The following TRAPPC10 variants were observed in gnomAD, a reference collection of about 807,000 sequenced individuals.
The protein encoded by TRAPPC10 is TRAPP 130 kDa subunit.
Under a neutral mutation model 125.5 loss-of-function variants are expected in TRAPPC10, and 23 were observed. The ratio of observed to expected loss-of-function variants is 0.18; its 90% CI spans 0.13 to 0.26. The LOEUF (loss-of-function observed/expected upper bound fraction) is 0.26, where lower values mean the gene tolerates loss of function less well. Ranked by LOEUF, TRAPPC10 falls within the 10% of genes least tolerant of loss-of-function variation. The probability of loss-of-function intolerance (pLI) is 1.00; values close to 1 mark genes in which losing one functional copy is unlikely to be tolerated. For missense variants in TRAPPC10, 1,123 were observed against 1,308.4 expected (o/e 0.86, Z 2.19); for synonymous variants, 509 against 518.0 (o/e 0.98, Z 0.24).
At chr21:44,070,194 G>T (rs142009583) in intron 7 of TRAPPC10, among the ~76,000 whole-genome samples, 1 of 152,306 alleles carries the variant, frequency 6.6e-6, no homozygotes, top group Non-Finnish European at 1.5e-5. Flanking sequence ...CACTCAAGTG[G>T]TAGGGGTATC....
At position 44,083,021 on chromosome 21, in the gene TRAPPC10, G is replaced by A. The variant is rs2037868727; in HGVS notation, c.1957G>A (p.Gly653Arg). Reference sequence around the variant, plus strand: ...GCTTACCAAGCACAAGACGTCCAATGGGATCATTAACTTTCCACCCGAGAC... The same window carrying A: ...GCTTACCAAGCACAAGACGTCCAATAGGATCATTAACTTTCCACCCGAGAC... Reference protein sequence around the residue: ...EWLTKHKTSNGIINFPPETAP... With the variant: ...EWLTKHKTSNRIINFPPETAP... Residue 653 changes from glycine (G) to arginine (R), a missense_variant, in exon 14 of 23, where the codon GGG (glycine) becomes AGG (arginine). This residue lies in a region of TRAPPC10 where 840 missense variants were observed against 902.0 expected (regional missense o/e 0.93). Transcript: ENST00000291574. 2 of 1,614,034 alleles carry A rather than the reference G, an allele frequency of 1.2e-6. No individual in the cohort carries two copies. The highest frequency in any genetic ancestry group is 4.5e-5 in the East Asian group (2 of 44,874).
intron 2 of TRAPPC10, among the ~76,000 whole-genome samples, chr21:44,032,383 T>TC (rs1387791737): frequency 2.2e-4 from 32 of 143,416 alleles, no homozygotes; most frequent in Middle Eastern, 3.6e-3. Flanking sequence ...GGTTTTCTTT[T>TC]TTTTTTTTTT....
At position 44,012,335 on chromosome 21, in the gene TRAPPC10, C is replaced by CCGGCAGCAGCGGG. The variant is rs902459677; in HGVS notation, c.-151_-139dup. 6.8e-5 allele frequency: 14 copies of CCGGCAGCAGCGGG among 204,716 alleles called. No individual in the cohort carries two copies. The highest frequency in any genetic ancestry group is 1.0e-4 in the Non-Finnish European group (12 of 116,618). 12.7% of individuals were successfully genotyped at this position (204,716 alleles called of 1,614,324 possible). A position where few individuals can be genotyped will look rare whatever the true frequency, so the allele number is the denominator to read the frequency against. ...GCGCCGAGGCCGGAAGTGGCTGAGG[C>CCGGCAGCAGCGGG]CGGCAGCAGCGGGCGGCAGCTGCGG... On this transcript the variant is annotated 5_prime_UTR_variant, in exon 1 of 23. Coordinates refer to ENST00000291574, the MANE Select transcript of TRAPPC10 (RefSeq NM_003274.5).
intron 19 of TRAPPC10, 129 bp downstream of exon 19, chr21:44,092,178 T>G: frequency 5.8e-6 from 7 of 1,210,052 alleles, no homozygotes; most frequent in Non-Finnish European, 7.9e-6. Flanking sequence ...AAGGCTCCTG[T>G]GCAGCTCCTC....
intron 12 of TRAPPC10, 122 bp from the exon 13 acceptor site, chr21:44,079,893 C>CT (rs927430790): frequency 2.8e-6 from 3 of 1,068,868 alleles, no homozygotes; most frequent in Non-Finnish European, 1.3e-6. Context: ...GCCCTAGTAA[C>CT]TTAAAAAAAA....
intron 1 of TRAPPC10, among the ~76,000 whole-genome samples, chr21:44,029,335 C>T (rs957606373): frequency 1.3e-5 from 2 of 152,170 alleles, no homozygotes; most frequent in African/African-American, 4.8e-5. Flanking sequence ...ACCTTGTGAT[C>T]CACCCACCTC....
intron 3 of TRAPPC10, among the ~76,000 whole-genome samples, chr21:44,047,532 A>ATATG (rs1491372579): frequency 7.0e-6 from 1 of 142,826 alleles, no homozygotes. Context: ...CTGGGGGAGT[A>ATATG]TGTGTGTGTG....
Position 44,086,896 on chromosome 21 carries a change from T to A in TRAPPC10, c.2475T>A (p.Asn825Lys), listed in dbSNP as rs2038172748. ...ATGGAGACAGCCTGCAGCTTAGCAA[T>A]GCCGAAGCCATGCTCATCCTGTGCC... is the stretch of plus-strand genomic sequence containing the variant. ...IKNGDSLQLS[N>K]AEAMLILCQA... The change falls in exon 16 of 23, where the codon AAT becomes AAA. Residue 825 changes from asparagine (N) to lysine (K), a missense_variant. Physicochemically the swap from Asn to Lys is moderately conservative, Grantham distance 94 (BLOSUM62 0). Around this residue, in one of 4 missense-constraint regions of TRAPPC10, gnomAD observed 840 missense variants for 902.0 expected, o/e 0.93. Coordinates refer to ENST00000291574, the MANE Select transcript of TRAPPC10 (RefSeq NM_003274.5). The A allele has an allele frequency of 6.2e-7, 1 of 1,614,074 alleles. No individual in the cohort carries two copies. Among genetic ancestry groups the A allele is most frequent in the South Asian group, 1.1e-5 (1 of 91,090 alleles).
chr21:44,049,637 G>A (rs2035101871), intron 3 of TRAPPC10, among the ~76,000 whole-genome samples: 2 of 152,254 alleles, frequency 1.3e-5, no homozygotes, highest in South Asian at 4.2e-4. Context: ...CTCACTTGGG[G>A]CCTCACATCT....
chr21:44,029,517 ATGG>A (rs536184211), intron 1 of TRAPPC10, among the ~76,000 whole-genome samples: 22 of 152,346 alleles, frequency 1.4e-4, no homozygotes, highest in Non-Finnish European at 3.1e-4. Flanking sequence ...TGCTGAGAAA[ATGG>A]TGGTGATTTT....
chr21:44,060,662 G>A (rs1405574887), intron 6 of TRAPPC10, among the ~76,000 whole-genome samples: 2 of 152,014 alleles, frequency 1.3e-5, no homozygotes, highest in Non-Finnish European at 2.9e-5. Flanking sequence ...GGGCAGTGGT[G>A]TGATCTTGGC....
intron 1 of TRAPPC10, among the ~76,000 whole-genome samples, chr21:44,013,116 G>A (rs1269034069): frequency 6.6e-6 from 1 of 150,614 alleles, no homozygotes; most frequent in African/African-American, 2.5e-5. Context: ...CCATTTTACG[G>A]ATGAGAAAGC....
chr21:44,057,989 C>CT (rs2035737486), intron 5 of TRAPPC10, among the ~76,000 whole-genome samples: 1 of 152,236 alleles, frequency 6.6e-6, no homozygotes, highest in Non-Finnish European at 1.5e-5. Context: ...GTTGCCCTCT[C>CT]TTTTCATTTT....
rs374390530 is a variant in TRAPPC10, at chr21:44,084,176, G to C, written c.2293G>C (p.Val765Leu). The change falls in exon 15 of 23, where the codon GTG (valine) becomes CTG (leucine). Residue 765 changes from valine to leucine, a missense_variant. Physicochemically the swap from Val to Leu is conservative, Grantham distance 32 (BLOSUM62 1). This residue lies in a region of TRAPPC10 where 840 missense variants were observed against 902.0 expected (regional missense o/e 0.93). Coordinates refer to ENST00000291574, the MANE Select transcript of TRAPPC10 (RefSeq NM_003274.5). The part of the protein sequence containing the change: ...LRQLCASVGS[V>L]WFVLPHIYPI... ...GCAGCTGTGCGCCTCGGTGGGCTCC[G>C]TGTGGTTCGTCCTCCCTCACATCTA... The C allele has an allele frequency of 6.2e-7, 1 of 1,614,218 alleles. No homozygotes were observed. Among genetic ancestry groups the C allele is most frequent in the Non-Finnish European group, 8.5e-7 (1 of 1,180,046 alleles).
At chr21:44,020,814 G>A (rs554021627) in intron 1 of TRAPPC10, among the ~76,000 whole-genome samples, 19 of 152,250 alleles carry the variant, frequency 1.2e-4, no homozygotes, top group African/African-American at 3.4e-4. Context: ...GAGAAGGGCC[G>A]TCAGAAGTCA....
In TRAPPC10 at chr21:44,084,082, T is replaced by G. The variant is rs544835820; in HGVS notation, c.2239-40T>G. The G allele has an allele frequency of 1.2e-5, 19 of 1,611,768 alleles. 1 individual carries two copies. The South Asian group carries it at 2.1e-4, about 18-fold the overall frequency. On this transcript the variant is annotated intron_variant, in intron 14 of 22. Transcript: ENST00000291574. ...TACCGCAGGAAGCTAACTGCAAAACTGGGTGACGTGGTTTCAAATGCCTGA... is the reference window on the plus strand; with the variant it reads ...TACCGCAGGAAGCTAACTGCAAAACGGGGTGACGTGGTTTCAAATGCCTGA...
At chr21:44,044,920 C>T (rs929255865) in intron 3 of TRAPPC10, among the ~76,000 whole-genome samples, 1 of 152,040 alleles carries the variant, frequency 6.6e-6, no homozygotes, top group Non-Finnish European at 1.5e-5. Flanking sequence ...CCCACCTGGG[C>T]CTCCTAAAGT....
At chr21:44,080,877 T>C (rs935902461) in intron 13 of TRAPPC10, among the ~76,000 whole-genome samples, 5 of 145,944 alleles carry the variant, frequency 3.4e-5, no homozygotes, top group African/African-American at 1.1e-4. Flanking sequence ...TTTTTTTTTT[T>C]TAAAATGTAA....
At chr21:44,015,606 C>T (rs1165587845) in intron 1 of TRAPPC10, among the ~76,000 whole-genome samples, 1 of 148,270 alleles carries the variant, frequency 6.7e-6, no homozygotes, top group Non-Finnish European at 1.5e-5. Flanking sequence ...TTGAAGCTCT[C>T]CAAATTTTTT....
Sources: allele counts gnomAD v4.1 joint callset (sites outside exome capture counted in the v4.1 genomes callset), GRCh38; gene constraint gnomAD v4.1.1; regional missense constraint gnomAD v4.1.1; transcripts MANE v1.5; gene names NCBI Gene and HGNC (gene_info 2026-07-23, HGNC 2026-07-21).